Variants in TAF4B observed in about 807,000 individuals in gnomAD.
The protein encoded by TAF4B is TATA-box binding protein associated factor 4b, also known as transcription initiation factor TFIID subunit 4B.
A neutral mutation model predicts 86.4 loss-of-function variants in TAF4B; 38 were observed. That is an observed-to-expected ratio of 0.44 (90% confidence interval 0.34 to 0.58). The LOEUF (loss-of-function observed/expected upper bound fraction) is 0.58, where lower values mean the gene tolerates loss of function less well. Ranked by LOEUF, TAF4B falls within the 20% of genes least tolerant of loss-of-function variation. TAF4B has a pLI of 0.02. For synonymous variants in TAF4B, 388 were observed against 391.2 expected (o/e 0.99, Z 0.10); for missense variants, 988 against 1,027.6 (o/e 0.96, Z 0.53).
intron 1 of TAF4B, among the ~76,000 whole-genome samples, chr18:26,262,550 CT>C (rs2056184905): frequency 6.6e-6 from 1 of 151,232 alleles, no homozygotes; most frequent in African/African-American, 2.4e-5. Flanking sequence ...TCTCGGCTTA[CT>C]GTAACCACCA....
intron 14 of TAF4B, among the ~76,000 whole-genome samples, chr18:26,368,110 A>T (rs1459324534): frequency 6.6e-6 from 1 of 152,242 alleles, no homozygotes; most frequent in African/African-American, 2.4e-5. Flanking sequence ...AGAAATACTT[A>T]GATTATAAAA....
intron 11 of TAF4B, among the ~76,000 whole-genome samples, chr18:26,322,924 T>G (rs1348383574): frequency 6.6e-6 from 1 of 152,158 alleles, no homozygotes; most frequent in East Asian, 1.9e-4. Context: ...TAAGTTTTGG[T>G]ATGTTGTGTT....
chr18:26,383,748 T>C (rs1978305739), intron 14 of TAF4B, among the ~76,000 whole-genome samples: 2 of 152,146 alleles, frequency 1.3e-5, no homozygotes, highest in African/African-American at 4.8e-5. Flanking sequence ...AACATAGACA[T>C]TTAGGAGTGA....
chr18:26,233,601 G>A (rs112592240), intron 1 of TAF4B, among the ~76,000 whole-genome samples: 15 of 152,272 alleles, frequency 9.9e-5, no homozygotes, highest in African/African-American at 2.9e-4. Context: ...AACAGGTTGC[G>A]CTGCATGCAT....
chr18:26,300,310 A>ATTATTATTATTC (rs2056715789), intron 9 of TAF4B, among the ~76,000 whole-genome samples: 1 of 135,188 alleles, frequency 7.4e-6, no homozygotes. Flanking sequence ...GTAGGCATTT[A>ATTATTATTATTC]TTATTATTAT....
chr18:26,302,371 A>ATTTTTT (rs66683595), intron 9 of TAF4B, among the ~76,000 whole-genome samples: 21,254 of 92,898 alleles, frequency 0.23, 3,387 homozygotes, highest in Non-Finnish European at 0.29. Context: ...TTCATATTAA[A>ATTTTTT]TTTTTTTTTT....
At chr18:26,297,843 A>G (rs1477821693) in intron 9 of TAF4B, among the ~76,000 whole-genome samples, 1 of 152,158 alleles carries the variant, frequency 6.6e-6, no homozygotes, top group Non-Finnish European at 1.5e-5. Flanking sequence ...TCTTTTCTAT[A>G]AATACATAGA....
chr18:26,341,845 A>C (rs2057139423), intron 13 of TAF4B, among the ~76,000 whole-genome samples: 1 of 152,092 alleles, frequency 6.6e-6, no homozygotes, highest in Non-Finnish European at 1.5e-5. Flanking sequence ...AAAAATTTGC[A>C]ACTTGCTTTT....
At chr18:26,268,546 T>C (rs576245202) in intron 3 of TAF4B, among the ~76,000 whole-genome samples, 1 of 152,338 alleles carries the variant, frequency 6.6e-6, no homozygotes, top group Admixed American at 6.5e-5. Flanking sequence ...ACCATGTTCA[T>C]TTGAGGTCAG....
At chr18:26,330,675 G>A (rs2057042992) in intron 12 of TAF4B, among the ~76,000 whole-genome samples, 1 of 152,050 alleles carries the variant, frequency 6.6e-6, no homozygotes, top group Non-Finnish European at 1.5e-5. Context: ...CTATATCTGT[G>A]TATATATTAT....
intron 13 of TAF4B, among the ~76,000 whole-genome samples, chr18:26,336,742 A>G (rs2057095160): frequency 6.6e-6 from 1 of 152,166 alleles, no homozygotes; most frequent in African/African-American, 2.4e-5. Context: ...TGGGTATCCC[A>G]CCTTGTTTTA....
intron 5 of TAF4B, among the ~76,000 whole-genome samples, chr18:26,276,830 T>C (rs995622170): frequency 1.3e-5 from 2 of 152,176 alleles, no homozygotes; most frequent in African/African-American, 4.8e-5. Context: ...TGGAAATGAA[T>C]ACGTATCCCA....
chr18:26,307,581 T>C (rs1369706315), intron 9 of TAF4B, among the ~76,000 whole-genome samples: 2 of 152,200 alleles, frequency 1.3e-5, no homozygotes, highest in Non-Finnish European at 2.9e-5. Context: ...GGATAATATC[T>C]ATATACTATA....
intron 6 of TAF4B, among the ~76,000 whole-genome samples, chr18:26,285,210 C>CTTTCCTT (rs2056496143): frequency 4.7e-5 from 2 of 42,516 alleles, no homozygotes; most frequent in South Asian, 1.3e-3. Flanking sequence ...TCTTCCTTTC[C>CTTTCCTT]TTTTTTTTTT....
intron 13 of TAF4B, among the ~76,000 whole-genome samples, chr18:26,346,350 G>A (rs1049769035): frequency 8.0e-6 from 1 of 124,578 alleles, no homozygotes. Context: ...GAAAGCTACA[G>A]GATTTATGGG....
rs112435365 is a variant in TAF4B, at chr18:26,259,171, A to AT, written c.344-5986dup. ...GAAGCTTTCAGCTGTTATTTCTTTG[A>AT]TTTTTTTTTTTTTCTGTTCCTTTCT... On this transcript the variant is annotated intron_variant, in intron 1 of 14. Coordinates refer to ENST00000269142, the MANE Select transcript of TAF4B (RefSeq NM_005640.3). Among the ~76,000 whole-genome samples the AT allele has an allele frequency of 6.9e-3, 838 of 120,836 alleles. 18 individuals are homozygous for AT. The highest frequency in any genetic ancestry group is 0.052 in the East Asian group (209 of 3,996). 79.3% of individuals were successfully genotyped at this position (120,836 alleles called of 152,430 possible).
At chr18:26,379,320 C>T (rs1273915407) in intron 14 of TAF4B, among the ~76,000 whole-genome samples, 6 of 151,986 alleles carry the variant, frequency 3.9e-5, no homozygotes, top group Admixed American at 1.3e-4. Flanking sequence ...TTCCTAGAAG[C>T]TTTATAGTTT....
chr18:26,263,015 A>G (rs952198872), intron 1 of TAF4B, among the ~76,000 whole-genome samples: 4 of 152,160 alleles, frequency 2.6e-5, no homozygotes, highest in Admixed American at 6.5e-5. Context: ...CAGTGGCACC[A>G]TCATAGCTCA....
chr18:26,269,214 A>G (rs1308441689), intron 3 of TAF4B, among the ~76,000 whole-genome samples: 1 of 143,280 alleles, frequency 7.0e-6, no homozygotes, highest in African/African-American at 2.4e-5. Flanking sequence ...TGGGAAACAC[A>G]AAGTCCTCCA....
Sources: gnomAD v4.1 joint callset for allele counts (sites outside exome capture counted in the v4.1 genomes callset) on GRCh38, gnomAD v4.1.1 for gene constraint, MANE v1.5 for transcripts, NCBI Gene and HGNC (gene_info 2026-07-23, HGNC 2026-07-21) for gene names.